Variants in CRYL1 observed in about 807,000 individuals in gnomAD.
The protein encoded by CRYL1 is lambda-crystallin homolog.
CRYL1 carries 29 observed loss-of-function variants against 36.6 expected under a neutral mutation model. The observed-to-expected ratio is 0.79, with a 90% CI of 0.59 to 1.08. CRYL1 has a LOEUF of 1.08. CRYL1 is among the 50% of genes least tolerant of loss of function. CRYL1 has a pLI of 0.00. For missense variants in CRYL1, 411 were observed against 407.9 expected (o/e 1.01, Z -0.06); for synonymous variants, 152 against 151.5 (o/e 1.00, Z -0.02).
At chr13:20,424,257 G>A (rs917022403) in intron 5 of CRYL1, among the ~76,000 whole-genome samples, 4 of 152,222 alleles carry the variant, frequency 2.6e-5, no homozygotes, top group African/African-American at 7.2e-5. Flanking sequence ...CGTGGGTGAT[G>A]TATCCGCTCT....
intron 5 of CRYL1, among the ~76,000 whole-genome samples, chr13:20,420,701 T>TTTTTTTTTTTTGTGTGTGTG: frequency 5.0e-4 from 11 of 21,874 alleles, no homozygotes; most frequent in African/African-American, 9.5e-4. Context: ...AAAATAGAGG[T>TTTTTTTTTTTTGTGTGTGTG]TGTGTGTGTG....
At chr13:20,499,318 C>T (rs1246394540) in intron 2 of CRYL1, among the ~76,000 whole-genome samples, 3 of 148,868 alleles carry the variant, frequency 2.0e-5, no homozygotes, top group African/African-American at 7.4e-5. Flanking sequence ...TGCACTCCAG[C>T]CTGGGCAACA....
intron 3 of CRYL1, among the ~76,000 whole-genome samples, chr13:20,477,836 T>C (rs1350794913): frequency 6.9e-6 from 1 of 145,344 alleles, no homozygotes; most frequent in Non-Finnish European, 1.5e-5. Flanking sequence ...AAATATAATA[T>C]ACTATAGTAT....
chr13:20,476,549 C>G (rs2033171030), intron 3 of CRYL1, among the ~76,000 whole-genome samples: 1 of 152,178 alleles, frequency 6.6e-6, no homozygotes, highest in Non-Finnish European at 1.5e-5. Context: ...AAAATAAACA[C>G]AGCAAGGCAG....
chr13:20,484,199 C>T (rs1244372937), intron 3 of CRYL1, among the ~76,000 whole-genome samples: 1 of 152,128 alleles, frequency 6.6e-6, no homozygotes, highest in East Asian at 1.9e-4. Flanking sequence ...AGAACCTTCC[C>T]TTGTATAAAT....
chr13:20,509,061 G>A (rs2033865767), intron 2 of CRYL1, among the ~76,000 whole-genome samples: 1 of 151,650 alleles, frequency 6.6e-6, no homozygotes, highest in South Asian at 2.1e-4. Flanking sequence ...AGGCGTGGTG[G>A]CTTGTGCCTG....
intron 3 of CRYL1, among the ~76,000 whole-genome samples, chr13:20,456,638 AAAGAC>A (rs2032695110): frequency 1.5e-5 from 2 of 137,612 alleles, no homozygotes; most frequent in African/African-American, 3.0e-5. Flanking sequence ...ACACACACAC[AAAGAC>A]CACGATTCTT....
At chr13:20,416,552 T>A (rs66536831) in intron 5 of CRYL1, among the ~76,000 whole-genome samples, 7,633 of 152,256 alleles carry the variant, frequency 0.05, 461 homozygotes, top group African/African-American at 0.13. Context: ...CGGCCTGCAG[T>A]CGCTCCCTCA....
intron 4 of CRYL1, among the ~76,000 whole-genome samples, chr13:20,437,631 A>T (rs2032260151): frequency 1.3e-5 from 2 of 152,118 alleles, no homozygotes; most frequent in Admixed American, 1.3e-4. Context: ...ATAAGTGAGC[A>T]ATAGTGGGAT....
intron 3 of CRYL1, among the ~76,000 whole-genome samples, chr13:20,465,718 C>A (rs1265837001): frequency 6.6e-6 from 1 of 152,088 alleles, no homozygotes; most frequent in Non-Finnish European, 1.5e-5. Context: ...TGGCCCTGAG[C>A]CATAGAGAGT....
intron 3 of CRYL1, among the ~76,000 whole-genome samples, chr13:20,478,356 A>G (rs2137456938): frequency 6.6e-6 from 1 of 152,322 alleles, no homozygotes; most frequent in Middle Eastern, 3.4e-3. Flanking sequence ...AGCAGAAGGG[A>G]CAATTTGGTT....
At chr13:20,472,530 A>G (rs1400646093) in intron 3 of CRYL1, among the ~76,000 whole-genome samples, 1 of 152,172 alleles carries the variant, frequency 6.6e-6, no homozygotes, top group Non-Finnish European at 1.5e-5. Context: ...TCCATTTTAT[A>G]GATGAGAAAA....
At chr13:20,410,211 G>T (rs2031482410) in intron 6 of CRYL1, among the ~76,000 whole-genome samples, 1 of 147,450 alleles carries the variant, frequency 6.8e-6, no homozygotes, top group Admixed American at 6.8e-5. Context: ...CCATAAAAAT[G>T]ATGAGTTCAT....
intron 1 of CRYL1, among the ~76,000 whole-genome samples, chr13:20,513,905 A>C (rs932034351): frequency 2.7e-5 from 4 of 146,330 alleles, no homozygotes; most frequent in African/African-American, 1.1e-4. Flanking sequence ...AAAGAAAAAG[A>C]AAGTATTAAA....
At position 20,404,149 on chromosome 13, in the gene CRYL1, T is replaced by C. The variant is rs368047116; in HGVS notation, c.940A>G (p.Ser314Gly). The C allele has an allele frequency of 1.2e-6, 2 of 1,613,610 alleles. No individual in the cohort carries two copies. Among genetic ancestry groups the C allele is most frequent in the African/African-American group, 2.7e-5 (2 of 74,870 alleles). Residue 314 changes from serine (S) to glycine (G), a missense_variant, in exon 8 of 8, where the codon AGT becomes GGT. Physicochemically the swap from Ser to Gly is moderately conservative, Grantham distance 56. Transcript: ENST00000298248. ...GAAATTCACTGGGGCTGCACTTGAC[T>C]CTTCAACTTGGCGAGTCTCATGAGG... ...ECLMRLAKLK[S>G]QVQPQ
chr13:20,431,989 C>A (rs775734936), intron 5 of CRYL1, 113 bp downstream of exon 5: 1 of 1,574,126 alleles, frequency 6.4e-7, no homozygotes, highest in Non-Finnish European at 8.6e-7. Context: ...TCTGACTTTC[C>A]CAGCTTCCAG....
At chr13:20,492,955 TC>T (rs2033539015) in intron 2 of CRYL1, among the ~76,000 whole-genome samples, 1 of 152,138 alleles carries the variant, frequency 6.6e-6, no homozygotes, top group Non-Finnish European at 1.5e-5. Flanking sequence ...AAACTCTTCC[TC>T]CCCTCCACTC....
chr13:20,517,760 C>A (rs973267423), intron 1 of CRYL1, among the ~76,000 whole-genome samples: 1 of 151,492 alleles, frequency 6.6e-6, no homozygotes, highest in African/African-American at 2.4e-5. Context: ...CATGGTGAAA[C>A]CCCATCTCTA....
intron 6 of CRYL1, among the ~76,000 whole-genome samples, chr13:20,412,382 C>T (rs2031546960): frequency 6.6e-6 from 1 of 152,068 alleles, no homozygotes; most frequent in Non-Finnish European, 1.5e-5. Flanking sequence ...TTTCTTTTCT[C>T]TTTCTATATG....
Sources: gnomAD v4.1 joint callset for allele counts (sites outside exome capture counted in the v4.1 genomes callset) on GRCh38, gnomAD v4.1.1 for gene constraint, MANE v1.5 for transcripts, NCBI Gene and HGNC (gene_info 2026-07-23, HGNC 2026-07-21) for gene names.